ENOX1: variants seen among roughly 807,000 people sequenced by gnomAD.
The protein encoded by ENOX1 is candidate growth-related and time keeping constitutive hydroquinone (NADH) oxidase.
A neutral mutation model predicts 82.5 loss-of-function variants in ENOX1; 42 were observed. The ratio of observed to expected loss-of-function variants is 0.51; its 90% CI spans 0.40 to 0.66. The LOEUF (loss-of-function observed/expected upper bound fraction) is 0.66, where lower values mean the gene tolerates loss of function less well. Ranked by LOEUF, ENOX1 falls within the 30% of genes least tolerant of loss-of-function variation. The probability of loss-of-function intolerance (pLI) is 0.00; values close to 1 mark genes in which losing one functional copy is unlikely to be tolerated. For missense variants in ENOX1, 608 were observed against 811.6 expected, an observed-to-expected ratio of 0.75 and a Z score of 3.05; for synonymous variants, 271 against 282.2, an observed-to-expected ratio of 0.96 and a Z score of 0.40.
At position 43,224,096 on chromosome 13, in the gene ENOX1, T is replaced by C. The variant is rs1315762877; in HGVS notation, c.1757A>G (p.Asn586Ser). ...TFLHVHPFGA[N>S]IEYLWSYMQQ... ...CATGTATGACCAAAGATATTCTATG[T>C]TGGCTCCAAAAGGATGGACGTGAAG... The change falls in exon 16 of 17, where the codon AAC becomes AGC. Residue 586 changes from asparagine (N) to serine (S), a missense_variant. Transcript: ENST00000690772. 2 of 1,614,096 alleles carry C rather than the reference T, an allele frequency of 1.2e-6. No homozygotes were observed. The highest frequency in any genetic ancestry group is 1.3e-5 in the African/African-American group (1 of 75,064).
At chr13:43,306,943 T>C (rs1031295486) in intron 11 of ENOX1, among the ~76,000 whole-genome samples, 5 of 152,234 alleles carry the variant, frequency 3.3e-5, no homozygotes, top group Non-Finnish European at 7.3e-5. Context: ...AAGTATATCT[T>C]CTCAGTTCTA....
chr13:43,243,443 C>T (rs1186254939), intron 14 of ENOX1, among the ~76,000 whole-genome samples: 4 of 152,150 alleles, frequency 2.6e-5, no homozygotes, highest in Admixed American at 1.3e-4. Flanking sequence ...GCTCTACTCT[C>T]GGTTCTACGT....
At chr13:43,214,925 A>C (rs1185406594) in intron 16 of ENOX1, among the ~76,000 whole-genome samples, 3 of 152,142 alleles carry the variant, frequency 2.0e-5, no homozygotes, top group Non-Finnish European at 4.4e-5. Flanking sequence ...GGGGTCTGAT[A>C]CTCTGTTTGA....
At chr13:43,262,048 A>G (rs558637031) in intron 14 of ENOX1, among the ~76,000 whole-genome samples, 334 of 152,324 alleles carry the variant, frequency 2.2e-3, no homozygotes, top group African/African-American at 7.4e-3. Flanking sequence ...TTATAATAAT[A>G]TAATGAAAAA....
intron 2 of ENOX1, among the ~76,000 whole-genome samples, chr13:43,569,412 T>C (rs1224063790): frequency 6.6e-6 from 1 of 152,212 alleles, no homozygotes; most frequent in Non-Finnish European, 1.5e-5. Context: ...ATCAATTTGC[T>C]GGTTATTCTC....
chr13:43,406,630 C>A (rs2053814887), intron 5 of ENOX1, among the ~76,000 whole-genome samples: 1 of 151,628 alleles, frequency 6.6e-6, no homozygotes, highest in Non-Finnish European at 1.5e-5. Context: ...GTAGCTGGGA[C>A]TACAGGTGCC....
Position 43,356,013 on chromosome 13 carries a change from G to C in ENOX1, c.729C>G (p.Arg243=). ...RMRAREERHR[R]KLEEDRLRPP... ...GCCTGAGCCGGTCCTCCTCCAGCTTGCGCCGGTGCCGCTCCTCCCGGGCAC... is the reference window on the plus strand; with the variant it reads ...GCCTGAGCCGGTCCTCCTCCAGCTTCCGCCGGTGCCGCTCCTCCCGGGCAC... The change falls in exon 8 of 17, where the codon CGC becomes CGG. Residue 243 remains arginine (R), a synonymous_variant. Transcript: ENST00000690772. 1 of 1,614,072 alleles carries C rather than the reference G, an allele frequency of 6.2e-7. No homozygotes were observed. The highest frequency in any genetic ancestry group is 8.5e-7 in the Non-Finnish European group (1 of 1,180,038).
chr13:43,660,748 G>A (rs1023062717), intron 2 of ENOX1, among the ~76,000 whole-genome samples: 3 of 152,126 alleles, frequency 2.0e-5, no homozygotes, highest in Admixed American at 6.5e-5. Context: ...AAACTCACTG[G>A]AGCAAAAAGG....
At chr13:43,426,042 A>C (rs187844640) in intron 3 of ENOX1, among the ~76,000 whole-genome samples, 1 of 152,370 alleles carries the variant, frequency 6.6e-6, no homozygotes, top group East Asian at 1.9e-4. Flanking sequence ...TGGAGTAAGT[A>C]AATCTGCTGC....
intron 1 of ENOX1, among the ~76,000 whole-genome samples, chr13:43,690,240 C>G (rs1391115617): frequency 7.4e-6 from 1 of 134,946 alleles, no homozygotes; most frequent in African/African-American, 2.8e-5. Context: ...GAACATCCAG[C>G]CTTGCTTATA....
intron 1 of ENOX1, among the ~76,000 whole-genome samples, chr13:43,742,879 T>C (rs1341509907): frequency 7.1e-6 from 1 of 140,982 alleles, no homozygotes; most frequent in African/African-American, 2.5e-5. Flanking sequence ...TTTTGGGGAA[T>C]AGGGACATGA....
chr13:43,592,562 A>G (rs1271240701), intron 2 of ENOX1, among the ~76,000 whole-genome samples: 1 of 152,196 alleles, frequency 6.6e-6, no homozygotes, highest in Non-Finnish European at 1.5e-5. Flanking sequence ...ATTCCTCAAA[A>G]TTAGTTTGGT....
chr13:43,509,156 T>C (rs1197149823), intron 2 of ENOX1, among the ~76,000 whole-genome samples: 2 of 152,012 alleles, frequency 1.3e-5, no homozygotes, highest in Non-Finnish European at 2.9e-5. Flanking sequence ...GATGACAAAA[T>C]AGCCTATATC....
intron 12 of ENOX1, among the ~76,000 whole-genome samples, chr13:43,290,136 T>C (rs973353577): frequency 3.3e-5 from 5 of 152,140 alleles, no homozygotes; most frequent in Non-Finnish European, 7.4e-5. Context: ...GGAATATAAA[T>C]TAGTAAAGCC....
intron 9 of ENOX1, among the ~76,000 whole-genome samples, chr13:43,339,442 A>G (rs1452621990): frequency 6.6e-6 from 1 of 152,204 alleles, no homozygotes; most frequent in Non-Finnish European, 1.5e-5. Flanking sequence ...AGCCAAATCC[A>G]TAAGGGGACC....
At chr13:43,485,615 C>T (rs1566351118) in intron 2 of ENOX1, among the ~76,000 whole-genome samples, 1 of 152,152 alleles carries the variant, frequency 6.6e-6, no homozygotes, top group African/African-American at 2.4e-5. Flanking sequence ...CAGAGGAAAA[C>T]AGAGCTAGTT....
Position 43,333,415 on chromosome 13 carries a change from C to T in ENOX1, c.1037-6890G>A, listed in dbSNP as rs571147559. Among the ~76,000 whole-genome samples the T allele has an allele frequency of 4.6e-5, 7 of 152,326 alleles. 1 individual carries two copies. The East Asian group carries it at 1.3e-3, about 29-fold the overall frequency. Reference sequence around the variant, plus strand: ...CCAGTGATATGTATGTTTGCAGTTTCCATTACAAATAACAGAAACAAGTCC... The same window carrying T: ...CCAGTGATATGTATGTTTGCAGTTTTCATTACAAATAACAGAAACAAGTCC... On this transcript the variant is annotated intron_variant, in intron 9 of 16. Transcript: ENST00000690772.
chr13:43,285,810 C>CA (rs11417324), intron 12 of ENOX1, among the ~76,000 whole-genome samples: 30,039 of 67,380 alleles, frequency 0.45, 6,717 homozygotes, highest in Non-Finnish European at 0.53. Flanking sequence ...GACTCTGTCT[C>CA]AAAAAAAAAA....
chr13:43,661,631 C>G (rs1466055679), intron 2 of ENOX1, among the ~76,000 whole-genome samples: 1 of 152,106 alleles, frequency 6.6e-6, no homozygotes, highest in African/African-American at 2.4e-5. Context: ...ATACAGAGAT[C>G]CAAAGTCATG....
Sources: allele counts gnomAD v4.1 joint callset (sites outside exome capture counted in the v4.1 genomes callset), GRCh38; gene constraint gnomAD v4.1.1; transcripts MANE v1.5; gene names NCBI Gene and HGNC (gene_info 2026-07-23, HGNC 2026-07-21).